CDR2: variants seen among roughly 807,000 people sequenced by gnomAD.
CDR2 encodes cerebellar degeneration-related protein 2.
Under a neutral mutation model 48.4 loss-of-function variants are expected in CDR2, and 34 were observed. The observed-to-expected ratio is 0.70, with a 90% CI of 0.53 to 0.94. The LOEUF is 0.94. Among genes scored for constraint, CDR2 ranks in the 40% least tolerant of loss-of-function variants. The probability of loss-of-function intolerance (pLI) is 0.00; values close to 1 mark genes in which losing one functional copy is unlikely to be tolerated. For synonymous variants in CDR2, 240 were observed against 219.7 expected (o/e 1.09, Z -0.82); for missense variants, 498 against 549.5 (o/e 0.91, Z 0.94).
Position 22,349,344 on chromosome 16 carries a change from T to TC in CDR2, c.440dup (p.Cys149ValfsTer2). 6.2e-7 allele frequency: 1 copy of TC among 1,614,156 alleles called. No individual in the cohort carries two copies. The highest frequency in any genetic ancestry group is 8.5e-7 in the Non-Finnish European group (1 of 1,180,024). ...GTGCCGGTTTCTCCTGGTCACACTTTCCCGGGCTCCTTCTCCCTTGGCCAG... is the reference window on the plus strand; with the variant it reads ...GTGCCGGTTTCTCCTGGTCACACTTTCCCCGGGCTCCTTCTCCCTTGGCCAG... On this transcript the variant is annotated frameshift_variant, in exon 4 of 5. Coordinates refer to ENST00000268383, the MANE Select transcript of CDR2 (RefSeq NM_001802.2). LOFTEE classifies it high-confidence loss of function.
At chr16:22,352,123 G>C (rs748109836) in intron 2 of CDR2, among the ~76,000 whole-genome samples, 2 of 152,132 alleles carry the variant, frequency 1.3e-5, no homozygotes, top group African/African-American at 2.4e-5. Flanking sequence ...GTGGTGGCAC[G>C]CGCCTGTAAT....
intron 1 of CDR2, among the ~76,000 whole-genome samples, chr16:22,365,454 A>C (rs1187699004): frequency 5.9e-5 from 9 of 152,188 alleles, no homozygotes; most frequent in Admixed American, 5.2e-4. Flanking sequence ...GTTTATTGTC[A>C]TATATCCTGG....
At chr16:22,355,043 A>C (rs1272764376) in intron 2 of CDR2, among the ~76,000 whole-genome samples, 1 of 152,140 alleles carries the variant, frequency 6.6e-6, no homozygotes, top group East Asian at 1.9e-4. Context: ...CTACTCTCCT[A>C]CTTTCCTCGT....
chr16:22,371,544 C>T (rs1021941586), intron 1 of CDR2, among the ~76,000 whole-genome samples: 2 of 152,034 alleles, frequency 1.3e-5, no homozygotes, highest in African/African-American at 4.8e-5. Context: ...AGGGCCCAGG[C>T]GAATACCTGG....
At chr16:22,349,886 A>G (rs1408838086) in intron 2 of CDR2, 37 bp from the exon 3 acceptor site, 5 of 1,603,712 alleles carry the variant, frequency 3.1e-6, no homozygotes, top group East Asian at 2.2e-5. Context: ...ACACAAACAG[A>G]TAAGATACCT....
At chr16:22,352,097 C>T (rs1344099950) in intron 2 of CDR2, among the ~76,000 whole-genome samples, 1 of 152,142 alleles carries the variant, frequency 6.6e-6, no homozygotes, top group African/African-American at 2.4e-5. Flanking sequence ...AATAAAAATA[C>T]AAAAATTAGT....
intron 3 of CDR2, 87 bp downstream of exon 3, chr16:22,349,614 C>T (rs935369955): frequency 2.0e-5 from 29 of 1,469,206 alleles, no homozygotes; most frequent in African/African-American, 4.2e-5. Context: ...CCCATATTGA[C>T]CCAAACCCAC....
intron 1 of CDR2, among the ~76,000 whole-genome samples, chr16:22,372,509 C>T (rs1012589314): frequency 2.6e-5 from 4 of 152,172 alleles, no homozygotes; most frequent in African/African-American, 9.7e-5. Flanking sequence ...ATTAATGCTT[C>T]TTAAATACAG....
At chr16:22,368,667 C>A (rs2049057729) in intron 1 of CDR2, 1 of 152,220 alleles carries the variant, frequency 6.6e-6, no homozygotes, top group Non-Finnish European at 1.5e-5. Context: ...TCAACAGGTT[C>A]TCACTCTCAC....
chr16:22,349,692 A>T lies in CDR2; in HGVS notation c.341+9T>A. ...CTAGTCCTTCCTTGTCAGATTCTAG[A>T]AAATTTACCTCAGAATCTTTTGCTG... On this transcript the variant is annotated intron_variant, in intron 3 of 4. Coordinates refer to ENST00000268383, the MANE Select transcript of CDR2 (RefSeq NM_001802.2). 6.2e-7 allele frequency: 1 copy of T among 1,613,558 alleles called. No individual in the cohort carries two copies. Among genetic ancestry groups the T allele is most frequent in the Non-Finnish European group, 8.5e-7 (1 of 1,179,732 alleles).
intron 2 of CDR2, among the ~76,000 whole-genome samples, chr16:22,356,915 T>A: frequency 9.4e-6 from 1 of 106,334 alleles, no homozygotes; most frequent in Admixed American, 1.5e-4. Flanking sequence ...CACTCCAACC[T>A]CAGCAACAGA....
At chr16:22,356,953 G>GAA (rs1162529433) in intron 2 of CDR2, among the ~76,000 whole-genome samples, 28 of 87,566 alleles carry the variant, frequency 3.2e-4, no homozygotes, top group Admixed American at 5.4e-4. Flanking sequence ...AAAAAAAAAA[G>GAA]AAAAAAAAAA....
Position 22,374,431 on chromosome 16 carries a change from C to A in CDR2, c.-122G>T, listed in dbSNP as rs886955953. 2 of 437,288 alleles carry A rather than the reference C, an allele frequency of 4.6e-6. No homozygotes were observed. The highest frequency in any genetic ancestry group is 4.2e-5 in the African/African-American group (2 of 47,112). 27.1% of individuals were successfully genotyped at this position (437,288 alleles called of 1,614,324 possible). A position where few individuals can be genotyped will look rare whatever the true frequency, so the allele number is the denominator to read the frequency against. On this transcript the variant is annotated 5_prime_UTR_variant, in exon 1 of 5. Coordinates refer to ENST00000268383, the MANE Select transcript of CDR2 (RefSeq NM_001802.2). ...CGCCCTCGGGCGGGACGCGCCGCCGCCCAGACTCCGCTGCGCCGCCTCAGC... is the reference window on the plus strand; with the variant it reads ...CGCCCTCGGGCGGGACGCGCCGCCGACCAGACTCCGCTGCGCCGCCTCAGC...
At chr16:22,355,478 TTTG>T (rs948061858) in intron 2 of CDR2, among the ~76,000 whole-genome samples, 46 of 152,352 alleles carry the variant, frequency 3.0e-4, no homozygotes, top group African/African-American at 1.1e-3. Context: ...CATCTTCATT[TTTG>T]TTAACTTCTA....
In CDR2 at chr16:22,347,444, G is replaced by C; in HGVS notation, c.886C>G (p.Leu296Val). 1 of 1,613,968 alleles carries C rather than the reference G, an allele frequency of 6.2e-7. No individual in the cohort carries two copies. ...TTTCTATGTGATTCCGGCACAGTCA[G>C]GAACATCTCTTCCAGCAGGCTCTGG... ...PSQSLLEEMF[L>V]TVPESHRKPL... Residue 296 changes from leucine (L) to valine (V), a missense_variant, in exon 5 of 5, where the codon CTG (leucine) becomes GTG (valine). Physicochemically the swap from Leu to Val is conservative, Grantham distance 32 (BLOSUM62 1). Transcript: ENST00000268383.
intron 1 of CDR2, among the ~76,000 whole-genome samples, chr16:22,371,790 T>TTTTCA (rs2049079290): frequency 6.6e-6 from 1 of 152,062 alleles, no homozygotes; most frequent in East Asian, 1.9e-4. Context: ...TCCACTGTGA[T>TTTTCA]AACGTAACAG....
At chr16:22,370,099 C>T (rs576257086) in intron 1 of CDR2, among the ~76,000 whole-genome samples, 2 of 152,276 alleles carry the variant, frequency 1.3e-5, no homozygotes, top group South Asian at 4.1e-4. Flanking sequence ...AAACTGTTAG[C>T]TTTAAACAGA....
At position 22,349,312 on chromosome 16, in the gene CDR2, A is replaced by G. The variant is rs2048926545; in HGVS notation, c.473T>C (p.Phe158Ser). 6.2e-7 allele frequency: 1 copy of G among 1,614,054 alleles called. No homozygotes were observed. Among genetic ancestry groups the G allele is most frequent in the South Asian group, 1.1e-5 (1 of 91,088 alleles). The change falls in exon 4 of 5, where the codon TTT becomes TCT. Residue 158 changes from phenylalanine to serine, a missense_variant. By Grantham distance (155) the Phe-to-Ser change is radical (BLOSUM62 -2). Transcript: ENST00000268383. ...KCDQEKPAPS[F>S]ACLKELYDLR... ...GTCATACAGCTCCTTCAGACATGCA[A>G]AGCTGGGTGCCGGTTTCTCCTGGTC...
At chr16:22,356,580 C>T (rs1423715531) in intron 2 of CDR2, among the ~76,000 whole-genome samples, 1 of 152,116 alleles carries the variant, frequency 6.6e-6, no homozygotes, top group Non-Finnish European at 1.5e-5. Flanking sequence ...TGGTGAAACC[C>T]CATCTCTACT....
Sources: allele counts gnomAD v4.1 joint callset (sites outside exome capture counted in the v4.1 genomes callset), GRCh38; gene constraint gnomAD v4.1.1; transcripts MANE v1.5; gene names NCBI Gene and HGNC (gene_info 2026-07-23, HGNC 2026-07-21).